The following ALOX5 variants were observed in gnomAD, a reference collection of about 807,000 sequenced individuals.
ALOX5 encodes polyunsaturated fatty acid 5-lipoxygenase.
A neutral mutation model predicts 87.9 loss-of-function variants in ALOX5; 64 were observed. The ratio of observed to expected loss-of-function variants is 0.73; its 90% confidence interval spans 0.60 to 0.90. The LOEUF (loss-of-function observed/expected upper bound fraction) is 0.90, where lower values mean the gene tolerates loss of function less well. Ranked by LOEUF, ALOX5 falls within the 40% of genes least tolerant of loss-of-function variation. The pLI is 0.00. For synonymous variants in ALOX5, 388 were observed against 355.1 expected (o/e 1.09, Z -1.04); for missense variants, 822 against 907.5 (o/e 0.91, Z 1.21).
intron 2 of ALOX5, among the ~76,000 whole-genome samples, chr10:45,391,132 T>C (rs1840227845): frequency 7.1e-6 from 1 of 140,258 alleles, no homozygotes; most frequent in African/African-American, 2.7e-5. Flanking sequence ...ACGGTCTCCC[T>C]CTGATGCCGA....
At chr10:45,389,873 G>C (rs1344866796) in intron 2 of ALOX5, among the ~76,000 whole-genome samples, 1 of 152,188 alleles carries the variant, frequency 6.6e-6, no homozygotes, top group South Asian at 2.1e-4. Context: ...TGGGCTAAAT[G>C]CTCCAATTAA....
intron 7 of ALOX5, among the ~76,000 whole-genome samples, chr10:45,438,942 G>GT (rs1243363151): frequency 2.0e-5 from 3 of 152,194 alleles, no homozygotes; most frequent in Non-Finnish European, 4.4e-5. Flanking sequence ...TCTGACCAGG[G>GT]TGGAGCCACT....
chr10:45,444,671 G>C (rs993772490), intron 13 of ALOX5: 3 of 214,542 alleles, frequency 1.4e-5, no homozygotes, highest in Non-Finnish European at 2.7e-5. Flanking sequence ...AACTGAATCC[G>C]GTGTGTCTTC....
chr10:45,443,434 A>G lies in ALOX5; in HGVS notation c.1470A>G (p.Val490=), dbSNP rs1440118532. ...GAGCCAGGTTCACGGCCGAGGTGGT[A>G]GACATCTACTACGAGGGCGACCAGG... ...EAIRTFTAEV[V]DIYYEGDQVV... is the part of the protein sequence containing the mutation. The change falls in exon 11 of 14, where the codon GTA becomes GTG. Residue 490 remains valine, a synonymous_variant. Transcript: ENST00000374391. 6.2e-7 allele frequency: 1 copy of G among 1,608,384 alleles called. No individual in the cohort carries two copies. The highest frequency in any genetic ancestry group is 8.5e-7 in the Non-Finnish European group (1 of 1,177,684).
chr10:45,398,760 A>G (rs974596607), intron 3 of ALOX5, among the ~76,000 whole-genome samples: 9 of 152,232 alleles, frequency 5.9e-5, no homozygotes, highest in Non-Finnish European at 1.0e-4. Flanking sequence ...CAACACCACA[A>G]TGAGATACCA....
chr10:45,396,509 A>T (rs1163989906), intron 3 of ALOX5, among the ~76,000 whole-genome samples: 2 of 152,246 alleles, frequency 1.3e-5, no homozygotes, highest in Non-Finnish European at 2.9e-5. Flanking sequence ...TCCTAGAAAG[A>T]CGCAAACTGC....
At chr10:45,420,022 C>T (rs1346970312) in intron 4 of ALOX5, among the ~76,000 whole-genome samples, 1 of 152,164 alleles carries the variant, frequency 6.6e-6, no homozygotes, top group Non-Finnish European at 1.5e-5. Context: ...CCCCTCTTAT[C>T]GTCATCCCAA....
chr10:45,378,549 A>G (rs190843143), intron 1 of ALOX5, among the ~76,000 whole-genome samples: 159 of 152,322 alleles, frequency 1.0e-3, no homozygotes, highest in Middle Eastern at 6.8e-3. Flanking sequence ...ATAGACAAAT[A>G]TAGCATCAGC....
At chr10:45,407,496 G>A (rs773440874) in intron 3 of ALOX5, among the ~76,000 whole-genome samples, 17 of 151,972 alleles carry the variant, frequency 1.1e-4, no homozygotes, top group Non-Finnish European at 2.4e-4. Context: ...ACGCATGCCC[G>A]GGAGACAGCA....
At chr10:45,380,389 C>G (rs927576088) in intron 1 of ALOX5, among the ~76,000 whole-genome samples, 1 of 152,248 alleles carries the variant, frequency 6.6e-6, no homozygotes, top group Admixed American at 6.5e-5. Flanking sequence ...CCACAAGCGT[C>G]TGGCCTCAGC....
At chr10:45,415,198 C>A (rs1251013949) in intron 4 of ALOX5, among the ~76,000 whole-genome samples, 3 of 152,132 alleles carry the variant, frequency 2.0e-5, no homozygotes, top group Non-Finnish European at 4.4e-5. Context: ...ATGTCCATCA[C>A]CGATAGACTG....
intron 3 of ALOX5, among the ~76,000 whole-genome samples, chr10:45,407,714 T>A (rs1840933540): frequency 6.6e-6 from 1 of 152,190 alleles, no homozygotes; most frequent in Non-Finnish European, 1.5e-5. Context: ...GTCTGCATTT[T>A]ACATAAGAGA....
At chr10:45,439,792 T>G (rs1842170336) in intron 7 of ALOX5, among the ~76,000 whole-genome samples, 1 of 151,430 alleles carries the variant, frequency 6.6e-6, no homozygotes. Flanking sequence ...CAGTGTGGAG[T>G]GGAAACTGGA....
chr10:45,393,594 T>A (rs1840380744), intron 2 of ALOX5, among the ~76,000 whole-genome samples: 1 of 152,204 alleles, frequency 6.6e-6, no homozygotes. Flanking sequence ...GTGTTGGAAG[T>A]TCTGGCCAGG....
At chr10:45,438,137 T>A (rs1171392088) in intron 7 of ALOX5, among the ~76,000 whole-genome samples, 1 of 152,178 alleles carries the variant, frequency 6.6e-6, no homozygotes, top group Non-Finnish European at 1.5e-5. Context: ...CTCTTTTTTT[T>A]TTTTTCATTT....
intron 7 of ALOX5, among the ~76,000 whole-genome samples, chr10:45,437,994 T>G (rs949225191): frequency 6.6e-6 from 1 of 152,252 alleles, no homozygotes; most frequent in African/African-American, 2.4e-5. Context: ...ATTCTGTTTC[T>G]AAACAAGCAT....
At chr10:45,381,280 C>T (rs1280217414) in intron 1 of ALOX5, among the ~76,000 whole-genome samples, 3 of 152,286 alleles carry the variant, frequency 2.0e-5, no homozygotes, top group African/African-American at 7.2e-5. Context: ...CTTGGTCTCA[C>T]TGTTCTCTGG....
chr10:45,415,278 C>T (rs902888575), intron 4 of ALOX5, among the ~76,000 whole-genome samples: 1 of 152,192 alleles, frequency 6.6e-6, no homozygotes, highest in Non-Finnish European at 1.5e-5. Context: ...AGTTAATGTC[C>T]TTTGCAGGGA....
Position 45,424,892 on chromosome 10 carries a change from C to T in ALOX5, c.662-68C>T, listed in dbSNP as rs1318010997. 3.2e-6 allele frequency: 5 copies of T among 1,575,830 alleles called. No homozygotes were observed. The African/African-American group carries it at 6.7e-5, about 21-fold the overall frequency. On this transcript the variant is annotated intron_variant, in intron 5 of 13. Transcript: ENST00000374391. ...CAGGGACTCTGCTCTTAGGTGAGGT[C>T]AGGAGGGCCATGGCCCTGGCTGCCC...
Sources: allele counts gnomAD v4.1 joint callset (sites outside exome capture counted in the v4.1 genomes callset), GRCh38; gene constraint gnomAD v4.1.1; transcripts MANE v1.5; gene names NCBI Gene and HGNC (gene_info 2026-07-23, HGNC 2026-07-21).